Variants in CARMIL2 observed in about 807,000 individuals in gnomAD.
CARMIL2 encodes capping protein regulator and myosin 1 linker 2, also known as capping protein, Arp2/3 and myosin-I linker protein 2.
In CARMIL2, 96 loss-of-function variants were observed where a neutral mutation model predicts 173.3. The ratio of observed to expected loss-of-function variants is 0.55; its 90% CI spans 0.47 to 0.66. The LOEUF (loss-of-function observed/expected upper bound fraction) is 0.66. Ranked by LOEUF, CARMIL2 falls within the 30% of genes least tolerant of loss-of-function variation. The pLI is 0.00. For missense variants in CARMIL2, 1,771 were observed against 1,906.7 expected, an observed-to-expected ratio of 0.93 and a Z score of 1.33; for synonymous variants, 830 against 817.1, an observed-to-expected ratio of 1.02 and a Z score of -0.27.
rs747987590 is a variant in CARMIL2, at chr16:67,652,324, AGAG to A, written c.2806_2808del (p.Glu936del). 9 of 1,613,074 alleles carry A rather than the reference AGAG, an allele frequency of 5.6e-6. No individual in the cohort carries two copies. Among genetic ancestry groups the A allele is most frequent in the South Asian group, 1.1e-5 (1 of 91,052 alleles). Reference sequence around the variant, plus strand: ...GTCTTTTCTTCCCCGAGGAGAAGGAAGAGGAGAAGGAGAAGGTAAGTGGTTTTA... The same window carrying A: ...GTCTTTTCTTCCCCGAGGAGAAGGAAGAGAAGGAGAAGGTAAGTGGTTTTA... On this transcript the variant is annotated inframe_deletion, in exon 27 of 38. Transcript: ENST00000334583. The surrounding 1 kb of genome is among the most constrained non-coding windows in gnomAD (Gnocchi z 4.7).
intron 32 of CARMIL2, 133 bp from the exon 33 acceptor site, chr16:67,655,898 G>C: frequency 1.1e-6 from 1 of 943,378 alleles, no homozygotes; most frequent in Middle Eastern, 2.2e-4. Context: ...TAAGAGGGCT[G>C]TACTGGGTTT....
chr16:67,655,639 C>T (rs2052830227), intron 32 of CARMIL2, among the ~76,000 whole-genome samples: 1 of 152,040 alleles, frequency 6.6e-6, no homozygotes, highest in Non-Finnish European at 1.5e-5. Context: ...TCTGGATGTC[C>T]TCCCTGCCTC....
Position 67,648,119 on chromosome 16 carries a change from C to T in CARMIL2, c.1139C>T (p.Ala380Val). 6.2e-7 allele frequency: 1 copy of T among 1,613,080 alleles called. No homozygotes were observed. Among genetic ancestry groups the T allele is most frequent in the East Asian group, 2.2e-5 (1 of 44,856 alleles). The change falls in exon 14 of 38, where the codon GCC becomes GTC. Residue 380 changes from alanine (A) to valine (V), a missense_variant. This residue lies in a region of CARMIL2 where 944 missense variants were observed against 975.6 expected (regional missense o/e 0.97). Coordinates refer to ENST00000334583, the MANE Select transcript of CARMIL2 (RefSeq NM_001013838.3). The surrounding 1 kb of genome is among the most constrained non-coding windows in gnomAD (Gnocchi z 6.1). The stretch of plus-strand genomic sequence containing the variant: ...CTGAATCTCGCAGGCACCGACACTG[C>T]CCTGGACACTGTGAGGGGGTGCTCC... ...SFLNLAGTDT[A>V]LDTVRGCSVG...
rs1188465998 is a variant in CARMIL2 at position 67,649,848 on chromosome 16, G to T, written c.1962G>T (p.Leu654=). The change falls in exon 21 of 38, where the codon CTG becomes CTT. Residue 654 remains leucine, a synonymous_variant. Transcript: ENST00000334583. The surrounding 1 kb of genome is among the most constrained non-coding windows in gnomAD (Gnocchi z 6.7). ...GGAACCACACATCTGCTTTGGGTCTGCTGGACGTGGCGCAGGCGCTGGAGC... is the reference window on the plus strand; with the variant it reads ...GGAACCACACATCTGCTTTGGGTCTTCTGGACGTGGCGCAGGCGCTGGAGC... ...WDRNHTSALG[L]LDVAQALEQN... is the part of the protein sequence containing the mutation. 6.2e-7 allele frequency: 1 copy of T among 1,612,802 alleles called. No homozygotes were observed. Among genetic ancestry groups the T allele is most frequent in the East Asian group, 2.2e-5 (1 of 44,876 alleles).
In CARMIL2 at chr16:67,647,196, G is replaced by A; in HGVS notation, c.687+5G>A. ...TCCTGTGTGGACATGAAGCTGGTGAGGGGGTTCGGGGTAAGGGCAGGGAGG... is the reference window on the plus strand; with the variant it reads ...TCCTGTGTGGACATGAAGCTGGTGAAGGGGTTCGGGGTAAGGGCAGGGAGG... On this transcript the variant is annotated splice_donor_5th_base_variant and intron_variant, in intron 9 of 37. Coordinates refer to ENST00000334583, the MANE Select transcript of CARMIL2 (RefSeq NM_001013838.3). 1.2e-6 allele frequency: 2 copies of A among 1,613,850 alleles called. No homozygotes were observed. The highest frequency in any genetic ancestry group is 1.7e-6 in the Non-Finnish European group (2 of 1,179,878).
In CARMIL2 at chr16:67,657,501, G is replaced by A. The variant is rs375200431; in HGVS notation, c.4291G>A (p.Gly1431Ser). 8.4e-5 allele frequency: 136 copies of A among 1,612,956 alleles called. No individual in the cohort carries two copies. Among genetic ancestry groups the A allele is most frequent in the East Asian group, 1.3e-4 (6 of 44,818 alleles). Residue 1431 changes from glycine (G) to serine (S), a missense_variant, in exon 38 of 38, where the codon GGC (glycine) becomes AGC (serine). Gly to Ser is a moderately conservative substitution (Grantham distance 56, BLOSUM62 0). Around this residue, in one of 3 missense-constraint regions of CARMIL2, gnomAD observed 817 missense variants for 903.5 expected, o/e 0.90. Transcript: ENST00000334583. This position sits in a 1 kb window ranked among gnomAD's most constrained non-coding sequence, Gnocchi z 4.5. ...PPSPATDQRGGGPNP is the reference protein window; with the variant it reads ...PPSPATDQRGSGPNP Reference sequence around the variant, plus strand: ...CTCCCCAGCCACAGACCAAAGAGGCGGCGGCCCCAATCCCTGATCCTCTCC... The same window carrying A: ...CTCCCCAGCCACAGACCAAAGAGGCAGCGGCCCCAATCCCTGATCCTCTCC...
rs1464860139 is a variant in CARMIL2, at chr16:67,653,163, C to T, written c.3029C>T (p.Pro1010Leu). 2 of 1,110,122 alleles carry T rather than the reference C, an allele frequency of 1.8e-6. No homozygotes were observed. The highest frequency in any genetic ancestry group is 4.0e-5 in the South Asian group (1 of 25,312). The allele number at this position is 1,110,122 out of a possible 1,614,324, so 68.8% of individuals were successfully genotyped here. A position where few individuals can be genotyped will look rare whatever the true frequency, so the allele number is the denominator to read the frequency against. ...PAGPLPRMDL[P>L]LAGQPLRHPT... ...GGCCCGCTGCCCCGCATGGACCTGC[C>T]ACTGGCGGGGCAGCCCCTGCGCCAT... is the stretch of plus-strand genomic sequence containing the variant. The change falls in exon 29 of 38, where the codon CCA (proline) becomes CTA (leucine). Residue 1010 changes from proline to leucine, a missense_variant. Physicochemically the swap from Pro to Leu is moderately conservative, Grantham distance 98. Coordinates refer to ENST00000334583, the MANE Select transcript of CARMIL2 (RefSeq NM_001013838.3). The surrounding 1 kb of genome is among the most constrained non-coding windows in gnomAD (Gnocchi z 7.4).
intron 8 of CARMIL2, 41 bp downstream of exon 8, chr16:67,647,014 G>T (rs1348426069): frequency 1.2e-6 from 2 of 1,608,604 alleles, no homozygotes; most frequent in Non-Finnish European, 1.7e-6. Context: ...AAGATCCCGG[G>T]GCCCATATCC....
In CARMIL2 at chr16:67,648,495, G is replaced by A; in HGVS notation, c.1432G>A (p.Ala478Thr). The change falls in exon 15 of 38, where the codon GCG (alanine) becomes ACG (threonine). Residue 478 changes from alanine (A) to threonine (T), a missense_variant. Ala to Thr is a moderately conservative substitution (Grantham distance 58). This residue lies in a region of CARMIL2 where 944 missense variants were observed against 975.6 expected (regional missense o/e 0.97). Coordinates refer to ENST00000334583, the MANE Select transcript of CARMIL2 (RefSeq NM_001013838.3). This position sits in a 1 kb window ranked among gnomAD's most constrained non-coding sequence, Gnocchi z 6.1. ...GLAGCKLPPD[A>T]LRALLDGLAL... ...GGCGGGCTGCAAGCTGCCGCCCGAC[G>A]CGCTCAGGTCAGTGTCGGACCCCGG... The A allele has an allele frequency of 6.9e-7, 1 of 1,439,472 alleles. No individual in the cohort carries two copies. The highest frequency in any genetic ancestry group is 9.1e-7 in the Non-Finnish European group (1 of 1,102,240). 89.2% of individuals were successfully genotyped at this position (1,439,472 alleles called of 1,614,324 possible). A position where few individuals can be genotyped will look rare whatever the true frequency, so the allele number is the denominator to read the frequency against.
At chr16:67,655,289 G>A (rs776204580) in intron 32 of CARMIL2, among the ~76,000 whole-genome samples, 16 of 152,122 alleles carry the variant, frequency 1.1e-4, no homozygotes, top group South Asian at 2.1e-4. Context: ...AAAATTAGCC[G>A]GGTGTGGCGG....
chr16:67,646,637 C>T lies in CARMIL2; in HGVS notation c.467-77C>T. ...ATTCAGGTCCCAGCCACCACCTAGT[C>T]TGTGGGTCTGGTCTTCCTCCATCGC... On this transcript the variant is annotated intron_variant, in intron 6 of 37. Transcript: ENST00000334583. This position sits in a 1 kb window ranked among gnomAD's most constrained non-coding sequence, Gnocchi z 4.6. 2 of 1,574,998 alleles carry T rather than the reference C, an allele frequency of 1.3e-6. No homozygotes were observed. Among genetic ancestry groups the T allele is most frequent in the Non-Finnish European group, 1.7e-6 (2 of 1,144,894 alleles).
At position 67,647,329 on chromosome 16, in the gene CARMIL2, A is replaced by C. The variant is rs748179387; in HGVS notation, c.718A>C (p.Met240Leu). Residue 240 changes from methionine (M) to leucine (L), a missense_variant, in exon 10 of 38, where the codon ATG becomes CTG. Met to Leu is a conservative substitution (Grantham distance 15). Coordinates refer to ENST00000334583, the MANE Select transcript of CARMIL2 (RefSeq NM_001013838.3). ...SLEVSEQILH[M>L]MSQSSHLEEL... ...TGAGGTCTCAGAACAGATTCTGCACATGATGAGTCAGTCATCACACCTGGA... is the reference window on the plus strand; with the variant it reads ...TGAGGTCTCAGAACAGATTCTGCACCTGATGAGTCAGTCATCACACCTGGA... 4.4e-6 allele frequency: 7 copies of C among 1,593,572 alleles called. No individual in the cohort carries two copies. Among genetic ancestry groups the C allele is most frequent in the South Asian group, 1.1e-5 (1 of 88,668 alleles).
rs111656578 is a variant in CARMIL2, at chr16:67,654,090, G to GC, written c.3121-59_3121-58insC. The stretch of plus-strand genomic sequence containing the variant: ...GTCCAGGCTGCCGGCCGGGGGGGGG[G>GC]GGGGGTAGAAGCCAGAGTTGCACTC... On this transcript the variant is annotated intron_variant, in intron 29 of 37. Transcript: ENST00000334583. 11 of 1,105,334 alleles carry GC rather than the reference G, an allele frequency of 1.0e-5. 1 individual carries two copies. Among genetic ancestry groups the GC allele is most frequent in the African/African-American group, 1.7e-5 (1 of 57,330 alleles). 68.5% of individuals were successfully genotyped at this position (1,105,334 alleles called of 1,614,324 possible).
In CARMIL2 at chr16:67,652,230, C is replaced by T. The variant is rs776760075; in HGVS notation, c.2708C>T (p.Thr903Ile). The change falls in exon 27 of 38, where the codon ACA becomes ATA. Residue 903 changes from threonine to isoleucine, a missense_variant. Thr to Ile is a moderately conservative substitution (Grantham distance 89). Transcript: ENST00000334583. This position sits in a 1 kb window ranked among gnomAD's most constrained non-coding sequence, Gnocchi z 4.7. ...AGTCTGGCTCAGCAGGCAACAGTGACAATGCCCCCTGCCCTACCAGCACCG... is the reference window on the plus strand; with the variant it reads ...AGTCTGGCTCAGCAGGCAACAGTGATAATGCCCCCTGCCCTACCAGCACCG... The part of the protein sequence containing the change: ...VESLAQQATV[T>I]MPPALPAPDG... 8 of 1,613,108 alleles carry T rather than the reference C, an allele frequency of 5.0e-6. No homozygotes were observed. Among genetic ancestry groups the T allele is most frequent in the South Asian group, 2.2e-5 (2 of 91,086 alleles).
intron 34 of CARMIL2, 26 bp downstream of exon 34, chr16:67,656,325 G>C (rs1414740994): frequency 6.2e-6 from 10 of 1,613,416 alleles, no homozygotes; most frequent in Non-Finnish European, 7.6e-6. Flanking sequence ...TGTGTGTGTT[G>C]GTAGTGGGAG....
chr16:67,649,729 G>C lies in CARMIL2; in HGVS notation c.1920-77G>C. The C allele has an allele frequency of 1.3e-6, 2 of 1,572,022 alleles. No individual in the cohort carries two copies. The highest frequency in any genetic ancestry group is 8.6e-7 in the Non-Finnish European group (1 of 1,157,610). Reference sequence around the variant, plus strand: ...GGCGGAGCAAATGGAGCAGGCTGACGAGGCGAATGGACTAGGCCGAGGGTT... The same window carrying C: ...GGCGGAGCAAATGGAGCAGGCTGACCAGGCGAATGGACTAGGCCGAGGGTT... On this transcript the variant is annotated intron_variant, in intron 20 of 37. Coordinates refer to ENST00000334583, the MANE Select transcript of CARMIL2 (RefSeq NM_001013838.3). The surrounding 1 kb of genome is among the most constrained non-coding windows in gnomAD (Gnocchi z 6.7).
In CARMIL2 at chr16:67,647,896, A is replaced by C. The variant is rs954167843; in HGVS notation, c.1009A>C (p.Thr337Pro). 3 of 1,611,084 alleles carry C rather than the reference A, an allele frequency of 1.9e-6. No individual in the cohort carries two copies. The highest frequency in any genetic ancestry group is 2.5e-6 in the Non-Finnish European group (3 of 1,178,870). The change falls in exon 13 of 38, where the codon ACC becomes CCC. Residue 337 changes from threonine to proline, a missense_variant. By Grantham distance (38) the Thr-to-Pro change is conservative. Coordinates refer to ENST00000334583, the MANE Select transcript of CARMIL2 (RefSeq NM_001013838.3). Reference sequence around the variant, plus strand: ...GGCCACCAATGCCGCCTTCGACTCCACCCTGACCCACCTGGACCTTTCTGG... The same window carrying C: ...GGCCACCAATGCCGCCTTCGACTCCCCCCTGACCCACCTGGACCTTTCTGG... ...ALATNAAFDSTLTHLDLSGNP... is the reference protein window; with the variant it reads ...ALATNAAFDSPLTHLDLSGNP...
chr16:67,653,337 A>C lies in CARMIL2; in HGVS notation c.3120+83A>C. The C allele has an allele frequency of 1.5e-6, 1 of 662,670 alleles. No individual in the cohort carries two copies. The highest frequency in any genetic ancestry group is 1.9e-6 in the Non-Finnish European group (1 of 515,066). The allele number at this position is 662,670 out of a possible 1,614,324, so 41.0% of individuals were successfully genotyped here. A position where few individuals can be genotyped will look rare whatever the true frequency, so the allele number is the denominator to read the frequency against. On this transcript the variant is annotated intron_variant, in intron 29 of 37. Coordinates refer to ENST00000334583, the MANE Select transcript of CARMIL2 (RefSeq NM_001013838.3). The surrounding 1 kb of genome is among the most constrained non-coding windows in gnomAD (Gnocchi z 7.4). ...CCGCTCCTCATGGGTGGTAGCGGTC[A>C]AGGAGAGGGGGTGGTGGGGGCCCAA...
Position 67,649,377 on chromosome 16 carries a change from C to T in CARMIL2, c.1746+66C>T. 1.9e-6 allele frequency: 3 copies of T among 1,608,918 alleles called. No individual in the cohort carries two copies. Among genetic ancestry groups the T allele is most frequent in the Non-Finnish European group, 2.5e-6 (3 of 1,178,670 alleles). The stretch of plus-strand genomic sequence containing the variant: ...CACTTTGGTCCTCCTTTCTCTTGTT[C>T]CCTCAGACCCTGTGACCTGCCCTCA... On this transcript the variant is annotated intron_variant, in intron 19 of 37. Transcript: ENST00000334583. The surrounding 1 kb of genome is among the most constrained non-coding windows in gnomAD (Gnocchi z 6.7).
Sources: gnomAD v4.1 joint callset for allele counts (sites outside exome capture counted in the v4.1 genomes callset) on GRCh38, gnomAD v4.1.1 for gene constraint, gnomAD v4.1.1 regional missense constraint, Gnocchi (gnomAD v3.1) non-coding constraint, MANE v1.5 for transcripts, NCBI Gene and HGNC (gene_info 2026-07-23, HGNC 2026-07-21) for gene names.